ARK2C: variants seen among roughly 807,000 people sequenced by gnomAD.
ARK2C encodes the protein arkadia (RNF111) C-terminal like ring finger ubiquitin ligase 2C.
At chr18:46,371,853 C>A in the ARK2C span, among the ~76,000 whole-genome samples, 1 of 152,222 alleles carries the variant, frequency 6.6e-6, no homozygotes, top group African/African-American at 2.4e-5. Context: ...TATTGTACTG[C>A]AGCATCCTCG....
At chr18:46,411,903 G>A in the ARK2C span, among the ~76,000 whole-genome samples, 7 of 152,250 alleles carry the variant, frequency 4.6e-5, no homozygotes, top group Admixed American at 3.3e-4. Flanking sequence ...CCAGTGAGAG[G>A]AGGAAGGGCA....
the ARK2C span, among the ~76,000 whole-genome samples, chr18:46,361,309 G>A: frequency 2.5e-3 from 382 of 152,234 alleles, no homozygotes; most frequent in Non-Finnish European, 4.1e-3. Flanking sequence ...CTGTAGCCTT[G>A]CTCTTCTGAA....
chr18:46,402,268 T>C, the ARK2C span, among the ~76,000 whole-genome samples: 17,535 of 152,286 alleles, frequency 0.12, 1,203 homozygotes, highest in East Asian at 0.28. Context: ...AGGTATTATA[T>C]ACTATGTGCT....
At chr18:46,381,086 T>C in the ARK2C span, among the ~76,000 whole-genome samples, 851 of 152,362 alleles carry the variant, frequency 5.6e-3, 4 homozygotes, top group Non-Finnish European at 9.5e-3. Context: ...TCAGTTTTTC[T>C]ATCTGTAAAA....
chr18:46,334,573 C>G, the ARK2C span: 22 of 490,356 alleles, frequency 4.5e-5, no homozygotes, highest in Non-Finnish European at 7.1e-5. The surrounding 1 kb of genome is among the most constrained non-coding windows in gnomAD (Gnocchi z 4.4). Flanking sequence ...CTCCCCAGCC[C>G]CATTTTTTAT....
the ARK2C span, among the ~76,000 whole-genome samples, chr18:46,412,501 G>A: frequency 1.3e-5 from 2 of 152,242 alleles, no homozygotes; most frequent in African/African-American, 2.4e-5. Context: ...GCTAGGAGAT[G>A]AGCCTCATAC....
At chr18:46,461,564 GA>G in the ARK2C span, 1 of 148,686 alleles carries the variant, frequency 6.7e-6, no homozygotes, top group African/African-American at 2.5e-5. Context: ...AGAATGGCTT[GA>G]ACCCAGGAGA....
At chr18:46,433,083 A>C in the ARK2C span, 1 of 737,998 alleles carries the variant, frequency 1.4e-6, no homozygotes, top group African/African-American at 1.8e-5. Flanking sequence ...GTCCTAATGT[A>C]GGTCTTGAGC....
At chr18:46,412,337 G>A in the ARK2C span, among the ~76,000 whole-genome samples, 1 of 152,214 alleles carries the variant, frequency 6.6e-6, no homozygotes, top group South Asian at 2.1e-4. Flanking sequence ...TTGGTTTCTT[G>A]GTTGCCTGGC....
At chr18:46,387,214 G>A in the ARK2C span, 3 of 152,094 alleles carry the variant, frequency 2.0e-5, no homozygotes, top group Admixed American at 2.0e-4. Flanking sequence ...AAACTTCAAC[G>A]TCCAGCTGAG....
chr18:46,354,937 T>G, the ARK2C span, among the ~76,000 whole-genome samples: 1 of 152,098 alleles, frequency 6.6e-6, no homozygotes, highest in Non-Finnish European at 1.5e-5. Context: ...ACACACTCCT[T>G]CATTTTGCTT....
At chr18:46,435,839 G>T in the ARK2C span, among the ~76,000 whole-genome samples, 1 of 152,200 alleles carries the variant, frequency 6.6e-6, no homozygotes. Context: ...GGCAGTGCTG[G>T]GTGGGGTGGC....
At chr18:46,454,648 C>T in the ARK2C span, among the ~76,000 whole-genome samples, 3 of 152,192 alleles carry the variant, frequency 2.0e-5, no homozygotes, top group East Asian at 5.8e-4. Context: ...AGAAGGGAGA[C>T]TTGGCATCCG....
the ARK2C span, chr18:46,456,042 A>G: frequency 1.9e-6 from 3 of 1,612,744 alleles, no homozygotes; most frequent in Admixed American, 5.0e-5. Flanking sequence ...AGAAATGCAC[A>G]ATTTGTCTGT....
chr18:46,418,218 G>C, the ARK2C span, among the ~76,000 whole-genome samples: 6 of 151,966 alleles, frequency 3.9e-5, no homozygotes, highest in African/African-American at 1.5e-4. Flanking sequence ...TTAGCTTTGT[G>C]TGGTCGCACA....
At chr18:46,443,882 G>A in the ARK2C span, among the ~76,000 whole-genome samples, 1 of 152,154 alleles carries the variant, frequency 6.6e-6, no homozygotes, top group African/African-American at 2.4e-5. Flanking sequence ...TCTGTCTGGT[G>A]TTATTTTTCT....
At chr18:46,456,470 G>T in the ARK2C span, 1 of 1,358,244 alleles carries the variant, frequency 7.4e-7, no homozygotes, top group Non-Finnish European at 1.1e-6. Context: ...GCTCCGCTCA[G>T]TGTCCCTCAG....
At chr18:46,456,172 T>TTTGC in the ARK2C span, 3 of 812,440 alleles carry the variant, frequency 3.7e-6, no homozygotes, top group African/African-American at 5.1e-5. Context: ...GGGGTGCTTG[T>TTTGC]TTGCTTGTGC....
the ARK2C span, among the ~76,000 whole-genome samples, chr18:46,414,667 C>A: frequency 6.6e-6 from 1 of 152,194 alleles, no homozygotes; most frequent in Non-Finnish European, 1.5e-5. Context: ...TACACACATA[C>A]ACAGATGCAC....
Sources: allele counts gnomAD v4.1 joint callset (sites outside exome capture counted in the v4.1 genomes callset), GRCh38; gene constraint gnomAD v4.1.1; non-coding constraint Gnocchi (gnomAD v3.1); transcripts MANE v1.5; gene names NCBI Gene and HGNC (gene_info 2026-07-23, HGNC 2026-07-21).